The following TTBK1 variants were observed in gnomAD, a reference collection of about 807,000 sequenced individuals.
The protein encoded by TTBK1 is tau-tubulin kinase 1.
In TTBK1, 34 loss-of-function variants were observed where a neutral mutation model predicts 108.5. The observed-to-expected ratio is 0.31, with a 90% CI of 0.24 to 0.42. The LOEUF is 0.42. TTBK1 is among the 10% of genes least tolerant of loss of function. The probability of loss-of-function intolerance (pLI) is 1.00; values close to 1 mark genes in which losing one functional copy is unlikely to be tolerated. For missense variants in TTBK1, 1,539 were observed against 1,826.0 expected (o/e 0.84, Z 2.86); for synonymous variants, 809 against 795.1 (o/e 1.02, Z -0.29).
intron 10 of TTBK1, 72 bp downstream of exon 10, chr6:43,258,038 T>C: frequency 1.3e-6 from 2 of 1,506,110 alleles, no homozygotes; most frequent in South Asian, 2.5e-5. Context: ...GGTCCTCTCC[T>C]CTCCTCTCTT....
chr6:43,277,762 A>C (rs2651190), intron 13 of TTBK1, among the ~76,000 whole-genome samples: 1 of 151,992 alleles, frequency 6.6e-6, no homozygotes, highest in African/African-American at 2.4e-5. Flanking sequence ...GACAAATGCA[A>C]GTGAAGGGTC....
intron 9 of TTBK1, among the ~76,000 whole-genome samples, chr6:43,256,654 G>A (rs755592183): frequency 6.6e-6 from 1 of 152,156 alleles, no homozygotes; most frequent in South Asian, 2.1e-4. Context: ...TGTAAGAATC[G>A]CTTGAACTTG....
At chr6:43,277,216 G>T (rs899714908) in intron 13 of TTBK1, among the ~76,000 whole-genome samples, 1 of 152,140 alleles carries the variant, frequency 6.6e-6, no homozygotes, top group Admixed American at 6.5e-5. Flanking sequence ...GGCCTTGGGG[G>T]TGCCAGGGTG....
rs1343651974 is a variant in TTBK1, at chr6:43,282,928, A to C, written c.2188A>C (p.Asn730His). The change falls in exon 14 of 15, where the codon AAT (asparagine) becomes CAT (histidine). Residue 730 changes from asparagine (N) to histidine (H), a missense_variant. Asn to His is a moderately conservative substitution (Grantham distance 68). Around this residue, in one of 5 missense-constraint regions of TTBK1, gnomAD observed 1,055 missense variants for 1,086.5 expected, o/e 0.97. Coordinates refer to ENST00000259750, the MANE Select transcript of TTBK1 (RefSeq NM_032538.3). The surrounding 1 kb of genome is among the most constrained non-coding windows in gnomAD (Gnocchi z 5.4). The stretch of plus-strand genomic sequence containing the variant: ...ACTGGCTCCTGTTCAGCCTCAGGCT[A>C]ATGGGAAGGAGGAAGAGGAGGAGGA... Reference protein sequence around the residue: ...VPLAPVQPQANGKEEEEEEEE... With the variant: ...VPLAPVQPQAHGKEEEEEEEE... 2 of 1,613,508 alleles carry C rather than the reference A, an allele frequency of 1.2e-6. No individual in the cohort carries two copies. The highest frequency in any genetic ancestry group is 1.7e-6 in the Non-Finnish European group (2 of 1,179,852).
At chr6:43,260,078 C>G (rs560967439) in intron 12 of TTBK1, among the ~76,000 whole-genome samples, 27 of 152,226 alleles carry the variant, frequency 1.8e-4, no homozygotes, top group Middle Eastern at 6.8e-3. Context: ...GAGGTAGGCT[C>G]TCTTCAGCTT....
chr6:43,264,092 C>T (rs1777617053), intron 13 of TTBK1, among the ~76,000 whole-genome samples: 1 of 152,156 alleles, frequency 6.6e-6, no homozygotes, highest in Non-Finnish European at 1.5e-5. Flanking sequence ...GATTTAAATA[C>T]AATGATCTGA....
In TTBK1 at chr6:43,257,991, C is replaced by T. The variant is rs751089886; in HGVS notation, c.1016+25C>T. On this transcript the variant is annotated intron_variant, in intron 10 of 14. Transcript: ENST00000259750. This position sits in a 1 kb window ranked among gnomAD's most constrained non-coding sequence, Gnocchi z 4.5. Reference sequence around the variant, plus strand: ...GGTGAGTCTCAGGAAGGCGAGCCACCAGCCCCTGCCTGGAGCTGTTACCTA... The same window carrying T: ...GGTGAGTCTCAGGAAGGCGAGCCACTAGCCCCTGCCTGGAGCTGTTACCTA... The T allele has an allele frequency of 6.9e-5, 111 of 1,604,612 alleles. No homozygotes were observed. Among genetic ancestry groups the T allele is most frequent in the Admixed American group, 1.7e-5 (1 of 59,700 alleles).
intron 2 of TTBK1, among the ~76,000 whole-genome samples, chr6:43,252,285 G>C (rs981948200): frequency 5.9e-5 from 9 of 151,662 alleles, no homozygotes; most frequent in Admixed American, 5.9e-4. Context: ...GTGGGGTGCT[G>C]ATGGGGTGGG....
chr6:43,249,725 C>T (rs568474733), intron 2 of TTBK1, among the ~76,000 whole-genome samples: 7 of 151,904 alleles, frequency 4.6e-5, no homozygotes, highest in Non-Finnish European at 7.4e-5. Context: ...TACAGGCACC[C>T]GCCACCACAC....
At chr6:43,272,450 C>A (rs559780411) in intron 13 of TTBK1, 22 of 985,328 alleles carry the variant, frequency 2.2e-5, no homozygotes, top group Non-Finnish European at 2.7e-5. Flanking sequence ...ATTGAGAAGG[C>A]GGCTGAGTTT....
In TTBK1 at chr6:43,283,748, G is replaced by A. The variant is rs751001876; in HGVS notation, c.3008G>A (p.Arg1003Gln). The change falls in exon 14 of 15, where the codon CGG (arginine) becomes CAG (glutamine). Residue 1003 changes from arginine (R) to glutamine (Q), a missense_variant. Physicochemically the swap from Arg to Gln is conservative, Grantham distance 43 (BLOSUM62 1). Transcript: ENST00000259750. The surrounding 1 kb of genome is among the most constrained non-coding windows in gnomAD (Gnocchi z 8.1). ...IEGSALSGAP[R>Q]ETPSEMATNS... ...GGCTCTGCCCTGTCTGGGGCCCCCC[G>A]GGAAACCCCCTCAGAGATGGCCACA... The A allele has an allele frequency of 1.2e-5, 20 of 1,613,614 alleles. No individual in the cohort carries two copies. The East Asian group carries it at 1.6e-4, about 13-fold the overall frequency.
chr6:43,279,548 G>C (rs112844073), intron 13 of TTBK1, among the ~76,000 whole-genome samples: 13 of 151,002 alleles, frequency 8.6e-5, no homozygotes, highest in Non-Finnish European at 1.6e-4. Flanking sequence ...CCACTCATCC[G>C]GGAGCTTACA....
rs1171995300 is a variant in TTBK1 at position 43,257,756 on chromosome 6, T to C, written c.862-56T>C. On this transcript the variant is annotated intron_variant, in intron 9 of 14. Coordinates refer to ENST00000259750, the MANE Select transcript of TTBK1 (RefSeq NM_032538.3). This position sits in a 1 kb window ranked among gnomAD's most constrained non-coding sequence, Gnocchi z 4.5. ...TATGATCCCAGCAACTGCCCCTTCC[T>C]CCTGGCTAGCCCCCGGATCACCTCT... 1 of 1,562,848 alleles carries C rather than the reference T, an allele frequency of 6.4e-7. No individual in the cohort carries two copies. Among genetic ancestry groups the C allele is most frequent in the Non-Finnish European group, 8.7e-7 (1 of 1,148,356 alleles).
In TTBK1 at chr6:43,275,537, G is replaced by C. The variant is rs540908349; in HGVS notation, c.1987-7190G>C. Among the ~76,000 whole-genome samples, 565 of 151,924 alleles carry C rather than the reference G, an allele frequency of 3.7e-3. 7 individuals carry two copies. The highest frequency in any genetic ancestry group is 0.013 in the African/African-American group (527 of 41,420). ...GCGTTCGGCTAAGCCTCCAGGCTCGGAGGGCCCTGTCGCCCCACCCCTGAC... is the reference window on the plus strand; with the variant it reads ...GCGTTCGGCTAAGCCTCCAGGCTCGCAGGGCCCTGTCGCCCCACCCCTGAC... On this transcript the variant is annotated intron_variant, in intron 13 of 14. Coordinates refer to ENST00000259750, the MANE Select transcript of TTBK1 (RefSeq NM_032538.3).
chr6:43,270,301 A>G (rs1777794440), intron 13 of TTBK1: 2 of 1,089,766 alleles, frequency 1.8e-6, no homozygotes, highest in Non-Finnish European at 2.2e-6. Flanking sequence ...TGAGGCCTGC[A>G]GGGCCAGAGG....
intron 12 of TTBK1, among the ~76,000 whole-genome samples, chr6:43,261,808 CAAA>C (rs11409412): frequency 2.6e-4 from 22 of 86,060 alleles, no homozygotes; most frequent in Admixed American, 9.0e-4. Flanking sequence ...GATTCTGTCT[CAAA>C]AAAAAAAAAA....
intron 2 of TTBK1, among the ~76,000 whole-genome samples, chr6:43,252,214 G>GTGTGTGTGTGTT (rs1436700246): frequency 1.3e-5 from 2 of 151,440 alleles, no homozygotes; most frequent in Admixed American, 6.6e-5. Flanking sequence ...GTGTGTGTGT[G>GTGTGTGTGTGTT]TGTGTGTGTG....
At chr6:43,280,186 G>C (rs1582518130) in intron 13 of TTBK1, among the ~76,000 whole-genome samples, 1 of 152,156 alleles carries the variant, frequency 6.6e-6, no homozygotes, top group South Asian at 2.1e-4. Context: ...GGGAAGGGGA[G>C]CAGCCACAGC....
At chr6:43,267,648 T>C (rs1228498244) in intron 13 of TTBK1, among the ~76,000 whole-genome samples, 2 of 152,036 alleles carry the variant, frequency 1.3e-5, no homozygotes, top group East Asian at 1.9e-4. Flanking sequence ...GTTTTTTTTC[T>C]TTTTTCACAC....
Sources: allele counts gnomAD v4.1 joint callset (sites outside exome capture counted in the v4.1 genomes callset), GRCh38; gene constraint gnomAD v4.1.1; regional missense constraint gnomAD v4.1.1; non-coding constraint Gnocchi (gnomAD v3.1); transcripts MANE v1.5; gene names NCBI Gene and HGNC (gene_info 2026-07-23, HGNC 2026-07-21).